The following DENND1B variants were observed in gnomAD, a reference collection of about 807,000 sequenced individuals.
DENND1B encodes the protein DENN domain-containing protein 1B.
In DENND1B, 59 loss-of-function variants were observed where a neutral mutation model predicts 90.1. The ratio of observed to expected loss-of-function variants is 0.65; its 90% CI spans 0.53 to 0.81. The LOEUF (loss-of-function observed/expected upper bound fraction) is 0.81, where lower values mean the gene tolerates loss of function less well. Ranked by LOEUF, DENND1B falls within the 40% of genes least tolerant of loss-of-function variation. The pLI, the probability that DENND1B is intolerant of heterozygous loss-of-function variation, is 0.00. For synonymous variants in DENND1B, 337 were observed against 324.6 expected (o/e 1.04, Z -0.41); for missense variants, 862 against 912.6 (o/e 0.94, Z 0.71).
intron 12 of DENND1B, among the ~76,000 whole-genome samples, chr1:197,608,972 T>TTAAAA (rs1301062934): frequency 6.6e-6 from 1 of 150,486 alleles, no homozygotes; most frequent in Admixed American, 6.6e-5. Context: ...AAATAGAGTG[T>TTAAAA]AACAAATTTT....
intron 2 of DENND1B, among the ~76,000 whole-genome samples, chr1:197,763,407 A>T (rs1459820890): frequency 6.6e-6 from 1 of 152,202 alleles, no homozygotes; most frequent in East Asian, 1.9e-4. Flanking sequence ...CACAATTTCC[A>T]TTCCTTTTCT....
intron 14 of DENND1B, among the ~76,000 whole-genome samples, chr1:197,586,303 T>G (rs996947058): frequency 2.6e-5 from 4 of 152,142 alleles, no homozygotes; most frequent in Non-Finnish European, 4.4e-5. Flanking sequence ...TCAGACTAAA[T>G]TTTTTTAGGA....
At chr1:197,549,780 T>A (rs1671080090) in intron 16 of DENND1B, among the ~76,000 whole-genome samples, 1 of 152,140 alleles carries the variant, frequency 6.6e-6, no homozygotes, top group African/African-American at 2.4e-5. Flanking sequence ...TGCAAGGGTC[T>A]CATGAAGGAA....
rs1410114119 is a variant in DENND1B, at chr1:197,658,310, G to C, written c.356C>G (p.Ala119Gly). The change falls in exon 6 of 23, where the codon GCT (alanine) becomes GGT (glycine). Residue 119 changes from alanine to glycine, a missense_variant. By Grantham distance (60) the Ala-to-Gly change is moderately conservative (BLOSUM62 0). Transcript: ENST00000620048. Reference protein sequence around the residue: ...KLLNTLADYLAKELENDLNET... With the variant: ...KLLNTLADYLGKELENDLNET... ...GAAAAAATAGCTTACCAGTTCCTTA[G>C]CCAAGTAATCTGCAAGAGTATTTAG... 3.1e-6 allele frequency: 5 copies of C among 1,609,562 alleles called. No homozygotes were observed.
intron 14 of DENND1B, 93 bp from the exon 15 acceptor site, chr1:197,583,346 A>G: frequency 8.4e-7 from 1 of 1,183,526 alleles, no homozygotes; most frequent in African/African-American, 1.5e-5. Flanking sequence ...TGATAGAGGA[A>G]GCGTAAGGTG....
At chr1:197,699,200 A>G (rs945027298) in intron 3 of DENND1B, among the ~76,000 whole-genome samples, 2 of 152,150 alleles carry the variant, frequency 1.3e-5, no homozygotes, top group Admixed American at 6.6e-5. Context: ...AGCACATCAT[A>G]AAACATCCAC....
At chr1:197,658,751 T>C (rs1403434991) in intron 5 of DENND1B, among the ~76,000 whole-genome samples, 5 of 151,292 alleles carry the variant, frequency 3.3e-5, no homozygotes, top group Admixed American at 3.3e-4. Flanking sequence ...CCTTTTAATA[T>C]GTTACTGGAG....
intron 6 of DENND1B, among the ~76,000 whole-genome samples, chr1:197,656,436 A>G (rs757115148): frequency 6.6e-6 from 1 of 152,202 alleles, no homozygotes; most frequent in Non-Finnish European, 1.5e-5. Flanking sequence ...TAGACAATAG[A>G]CAATTATAAA....
chr1:197,609,792 G>A (rs1677020446), intron 12 of DENND1B, among the ~76,000 whole-genome samples: 1 of 150,204 alleles, frequency 6.7e-6, no homozygotes, highest in African/African-American at 2.4e-5. Context: ...CAAGAGAGAG[G>A]GAATAAGAAA....
In DENND1B at chr1:197,637,170, C is replaced by T. The variant is rs557751420; in HGVS notation, c.672+5541G>A. Among the ~76,000 whole-genome samples the T allele has an allele frequency of 1.5e-4, 23 of 151,856 alleles. 1 individual carries two copies. The highest frequency in any genetic ancestry group is 8.8e-5 in the Non-Finnish European group (6 of 67,978). On this transcript the variant is annotated intron_variant, in intron 10 of 22. Coordinates refer to ENST00000620048, the MANE Select transcript of DENND1B (RefSeq NM_001195215.2). ...TTTAATGTTGATTACACTATCAGCA[C>T]AAAATTGTCACTGTTCCATATAAAA...
chr1:197,684,405 C>G (rs958295673), intron 3 of DENND1B, among the ~76,000 whole-genome samples: 1 of 152,136 alleles, frequency 6.6e-6, no homozygotes, highest in African/African-American at 2.4e-5. Flanking sequence ...TTGTTTTCAT[C>G]GAGATTGCAA....
At chr1:197,573,518 G>C (rs1218346789) in intron 15 of DENND1B, among the ~76,000 whole-genome samples, 1 of 152,080 alleles carries the variant, frequency 6.6e-6, no homozygotes, top group African/African-American at 2.4e-5. Context: ...AATTCTACCA[G>C]AGGCACAAAG....
chr1:197,677,043 T>A (rs540337512), intron 3 of DENND1B, among the ~76,000 whole-genome samples: 14 of 152,294 alleles, frequency 9.2e-5, no homozygotes, highest in African/African-American at 3.4e-4. Flanking sequence ...TTGATCAAAG[T>A]TCTTAGAATT....
intron 3 of DENND1B, among the ~76,000 whole-genome samples, chr1:197,686,860 A>G (rs1241187487): frequency 1.3e-5 from 2 of 151,942 alleles, no homozygotes; most frequent in Admixed American, 6.6e-5. Context: ...TCTCACTGCT[A>G]TACACAACTG....
intron 5 of DENND1B, among the ~76,000 whole-genome samples, chr1:197,664,040 TA>T (rs1381661701): frequency 1.5e-4 from 22 of 150,324 alleles, no homozygotes; most frequent in Admixed American, 2.0e-4. Context: ...GAGAGAGAGA[TA>T]AAAAATACTG....
chr1:197,520,979 G>A (rs1409616520), intron 20 of DENND1B, among the ~76,000 whole-genome samples: 3 of 151,880 alleles, frequency 2.0e-5, no homozygotes, highest in Admixed American at 1.3e-4. Context: ...CTATCAGCAT[G>A]CAATACAACT....
Position 197,658,285 on chromosome 1 carries a change from G to GA in DENND1B, c.366+14dup, listed in dbSNP as rs780792042. 2.5e-6 allele frequency: 4 copies of GA among 1,594,720 alleles called. No individual in the cohort carries two copies. Among genetic ancestry groups the GA allele is most frequent in the South Asian group, 2.2e-5 (2 of 89,080 alleles). ...TATTTTACCACAATTTAAAAATGGG[G>GA]AAAAAATAGCTTACCAGTTCCTTAG... On this transcript the variant is annotated intron_variant, in intron 6 of 22. Coordinates refer to ENST00000620048, the MANE Select transcript of DENND1B (RefSeq NM_001195215.2).
intron 18 of DENND1B, among the ~76,000 whole-genome samples, chr1:197,544,983 G>GA (rs1553281505): frequency 7.9e-5 from 4 of 50,430 alleles, no homozygotes; most frequent in South Asian, 1.1e-3. Flanking sequence ...AAGGAGGAAG[G>GA]GGAAGAAGGA....
intron 15 of DENND1B, among the ~76,000 whole-genome samples, chr1:197,557,545 T>C (rs1017705319): frequency 6.6e-6 from 1 of 151,910 alleles, no homozygotes; most frequent in African/African-American, 2.4e-5. Context: ...TAAAATGACA[T>C]GTGTTATCAC....
Sources: allele counts gnomAD v4.1 joint callset (sites outside exome capture counted in the v4.1 genomes callset), GRCh38; gene constraint gnomAD v4.1.1; transcripts MANE v1.5; gene names NCBI Gene and HGNC (gene_info 2026-07-23, HGNC 2026-07-21).